The following RBFOX1 variants were observed in gnomAD, a reference collection of about 807,000 sequenced individuals.
RBFOX1 encodes the protein RNA binding protein fox-1 homolog 1.
RBFOX1 carries 8 observed loss-of-function variants against 57.7 expected under a neutral mutation model. That is an observed-to-expected ratio of 0.14 (90% confidence interval 0.08 to 0.25). The LOEUF (loss-of-function observed/expected upper bound fraction) is 0.25. Ranked by LOEUF, RBFOX1 falls within the 10% of genes least tolerant of loss-of-function variation. The probability of loss-of-function intolerance (pLI) is 1.00; values close to 1 mark genes in which losing one functional copy is unlikely to be tolerated. For missense variants in RBFOX1, 611 were observed against 548.5 expected (o/e 1.11, Z -1.14); for synonymous variants, 326 against 222.4 (o/e 1.47, Z -4.15).
At chr16:7,595,428 G>T in intron 7 of RBFOX1, 121 bp from the exon 8 acceptor site, 4 of 645,590 alleles carry the variant, frequency 6.2e-6, no homozygotes, top group Non-Finnish European at 1.0e-5. Context: ...TCTCTAATTT[G>T]CATGTTACAG....
At chr16:6,113,812 G>A (rs908674268) in intron 1 of RBFOX1, among the ~76,000 whole-genome samples, 3 of 152,174 alleles carry the variant, frequency 2.0e-5, no homozygotes, top group East Asian at 1.9e-4. Flanking sequence ...CAGACAGGCC[G>A]TGGTCTCTGT....
chr16:5,953,813 C>T (rs1045892189), intron 4 of RBFOX1, among the ~76,000 whole-genome samples: 1 of 151,832 alleles, frequency 6.6e-6, no homozygotes, highest in Non-Finnish European at 1.5e-5. Context: ...TGCTGTAAAC[C>T]TGCGTGTGCA....
At chr16:6,738,738 A>G (rs550819169) in intron 3 of RBFOX1, among the ~76,000 whole-genome samples, 17 of 152,286 alleles carry the variant, frequency 1.1e-4, no homozygotes, top group Non-Finnish European at 1.5e-4. Flanking sequence ...GTCCTAGGCC[A>G]TAAAATAGAC....
At chr16:5,830,341 C>G (rs2056220546) in intron 3 of RBFOX1, among the ~76,000 whole-genome samples, 1 of 151,750 alleles carries the variant, frequency 6.6e-6, no homozygotes, top group African/African-American at 2.4e-5. Context: ...CTTCTGGAAC[C>G]TAATGAGATC....
intron 1 of RBFOX1, among the ~76,000 whole-genome samples, chr16:6,057,870 A>C (rs61056666): frequency 8.9e-4 from 92 of 103,568 alleles, no homozygotes; most frequent in African/African-American, 3.5e-3. Flanking sequence ...AACTTTGTTC[A>C]GGTTACCAGA....
intron 3 of RBFOX1, among the ~76,000 whole-genome samples, chr16:5,719,566 T>G (rs1289321798): frequency 6.6e-6 from 1 of 152,012 alleles, no homozygotes; most frequent in African/African-American, 2.4e-5. Flanking sequence ...ACTCCCCATT[T>G]TGCTCGCCCC....
chr16:5,595,671 A>G (rs966367918), intron 2 of RBFOX1, among the ~76,000 whole-genome samples: 1 of 152,206 alleles, frequency 6.6e-6, no homozygotes, highest in African/African-American at 2.4e-5. Context: ...GAAAACCAGA[A>G]CAGTATCAGA....
At chr16:6,392,915 C>T (rs746014756) in intron 2 of RBFOX1, among the ~76,000 whole-genome samples, 10 of 152,208 alleles carry the variant, frequency 6.6e-5, no homozygotes, top group Non-Finnish European at 1.0e-4. Context: ...AACCATATGA[C>T]CCACCCTCTT....
At chr16:7,459,819 CT>C (rs1467320332) in intron 4 of RBFOX1, among the ~76,000 whole-genome samples, 2 of 152,100 alleles carry the variant, frequency 1.3e-5, no homozygotes, top group African/African-American at 2.4e-5. Context: ...CTTTTAGATG[CT>C]TACGGGCCAC....
intron 3 of RBFOX1, among the ~76,000 whole-genome samples, chr16:6,701,527 C>T (rs991243856): frequency 2.0e-5 from 3 of 152,162 alleles, no homozygotes; most frequent in African/African-American, 7.2e-5. Context: ...TGCTCAGCTT[C>T]TGGTGAGGCC....
chr16:5,420,989 C>A (rs2067308304), intron 1 of RBFOX1, among the ~76,000 whole-genome samples: 1 of 144,000 alleles, frequency 6.9e-6, no homozygotes, highest in East Asian at 2.2e-4. Flanking sequence ...TTCCCTTCCT[C>A]CTCCTCCTCC....
At chr16:7,532,345 G>A (rs534215787) in intron 5 of RBFOX1, among the ~76,000 whole-genome samples, 1 of 152,262 alleles carries the variant, frequency 6.6e-6, no homozygotes, top group East Asian at 1.9e-4. Flanking sequence ...CAGCTTCGGG[G>A]AGATGAGCCC....
intron 2 of RBFOX1, among the ~76,000 whole-genome samples, chr16:6,388,855 G>T (rs995903741): frequency 6.6e-6 from 1 of 152,178 alleles, no homozygotes; most frequent in Non-Finnish European, 1.5e-5. Context: ...CACCATCTCA[G>T]TAATATGTGG....
intron 3 of RBFOX1, among the ~76,000 whole-genome samples, chr16:6,668,623 A>G (rs1043381736): frequency 3.3e-5 from 5 of 152,212 alleles, no homozygotes; most frequent in Non-Finnish European, 4.4e-5. Flanking sequence ...TATGGTAGCA[A>G]TTCACATGAT....
At chr16:7,524,455 T>C (rs1436799971) in intron 5 of RBFOX1, among the ~76,000 whole-genome samples, 1 of 152,260 alleles carries the variant, frequency 6.6e-6, no homozygotes, top group Non-Finnish European at 1.5e-5. Context: ...TACTGTATTA[T>C]GTTAGATACT....
chr16:6,367,692 C>A (rs1359310504), intron 2 of RBFOX1, among the ~76,000 whole-genome samples: 1 of 150,432 alleles, frequency 6.6e-6, no homozygotes, highest in African/African-American at 2.5e-5. Context: ...GGATGGGAGC[C>A]AATGCCTACA....
At chr16:6,701,428 A>C (rs377385128) in intron 3 of RBFOX1, among the ~76,000 whole-genome samples, 2 of 152,196 alleles carry the variant, frequency 1.3e-5, no homozygotes, top group East Asian at 3.9e-4. Flanking sequence ...CATTGCTGTA[A>C]AGGAATACCT....
intron 4 of RBFOX1, among the ~76,000 whole-genome samples, chr16:7,264,641 A>G (rs1340025803): frequency 1.3e-5 from 2 of 152,218 alleles, no homozygotes; most frequent in African/African-American, 4.8e-5. Flanking sequence ...GGACACTGGA[A>G]TTTGCATTTC....
intron 3 of RBFOX1, among the ~76,000 whole-genome samples, chr16:6,848,957 C>T (rs975407511): frequency 6.6e-6 from 1 of 152,178 alleles, no homozygotes; most frequent in East Asian, 1.9e-4. Context: ...TACCTTGCTT[C>T]ATGCACGCTT....
Sources: allele counts gnomAD v4.1 joint callset (sites outside exome capture counted in the v4.1 genomes callset), GRCh38; gene constraint gnomAD v4.1.1; transcripts MANE v1.5; gene names NCBI Gene and HGNC (gene_info 2026-07-23, HGNC 2026-07-21).